Variants in FRMPD4 observed in about 807,000 individuals in gnomAD.
FRMPD4 encodes FERM and PDZ domain containing 4.
In FRMPD4, 22 loss-of-function variants were observed where a neutral mutation model predicts 94.1. The observed-to-expected ratio is 0.23, with a 90% CI of 0.17 to 0.33. The LOEUF is 0.33. Ranked by LOEUF, FRMPD4 falls within the 10% of genes least tolerant of loss-of-function variation. FRMPD4 has a pLI of 1.00. For synonymous variants in FRMPD4, 631 were observed against 548.6 expected (o/e 1.15, Z -2.10); for missense variants, 1,111 against 1,339.9 (o/e 0.83, Z 2.67).
intron 3 of FRMPD4, among the ~76,000 whole-genome samples, chrX:12,030,790 A>G (rs2054687224): frequency 8.9e-6 from 1 of 111,900 alleles, no homozygotes; most frequent in Non-Finnish European, 1.9e-5. Context: ...AAGCAATAGG[A>G]TGAGGAATAA....
intron 1 of FRMPD4, among the ~76,000 whole-genome samples, chrX:12,301,761 G>A (rs893944625): frequency 1.8e-5 from 2 of 112,158 alleles, no homozygotes; most frequent in African/African-American, 6.5e-5. Flanking sequence ...TTCAAATTCA[G>A]CTAACTTGTG....
chrX:12,234,196 G>A (rs754327586), intron 1 of FRMPD4, among the ~76,000 whole-genome samples: 1 of 111,021 alleles, frequency 9.0e-6, no homozygotes, highest in South Asian at 3.8e-4. Context: ...GTGTGTGCAT[G>A]CGCACAACCA....
Position 12,433,310 on chromosome X carries a change from G to A in FRMPD4, c.42-65370G>A, listed in dbSNP as rs145347880. On this transcript the variant is annotated intron_variant, in intron 1 of 16. Coordinates refer to ENST00000675598, the MANE Select transcript of FRMPD4 (RefSeq NM_001368397.1). ...TTGTCATCTCTTTTCCTCCATGGACGCAACAGTGCCTCACATTACAAATGA... is the reference window on the plus strand; with the variant it reads ...TTGTCATCTCTTTTCCTCCATGGACACAACAGTGCCTCACATTACAAATGA... Among the ~76,000 whole-genome samples, 759 of 112,051 alleles carry A rather than the reference G, an allele frequency of 6.8e-3. 8 individuals carry two copies. The highest frequency in any genetic ancestry group is 0.024 in the African/African-American group (738 of 30,829).
chrX:11,853,513 CAAAT>C (rs1165748328), intron 1 of FRMPD4, among the ~76,000 whole-genome samples: 1 of 110,593 alleles, frequency 9.0e-6, no homozygotes, highest in East Asian at 2.8e-4. Context: ...AGAGAAGATT[CAAAT>C]AAACAGAATA....
At chrX:12,513,970 T>A (rs2058070147) in intron 2 of FRMPD4, among the ~76,000 whole-genome samples, 2 of 111,619 alleles carry the variant, frequency 1.8e-5, no homozygotes, top group Admixed American at 1.9e-4. Flanking sequence ...TTTTATTCTC[T>A]TTGTAGCAAT....
chrX:12,677,502 TTGAG>T (rs2059912097), intron 5 of FRMPD4, among the ~76,000 whole-genome samples: 2 of 111,254 alleles, frequency 1.8e-5, no homozygotes, highest in South Asian at 7.5e-4. Context: ...AAAATACTTA[TTGAG>T]TTTCATTTAT....
At chrX:12,660,844 A>G (rs1401779753) in intron 4 of FRMPD4, among the ~76,000 whole-genome samples, 3 of 111,817 alleles carry the variant, frequency 2.7e-5, no homozygotes, top group Middle Eastern at 4.6e-3. Flanking sequence ...TGAAGGCTTG[A>G]TTGAGGAGAT....
intron 2 of FRMPD4, among the ~76,000 whole-genome samples, chrX:12,570,711 T>C (rs185203950): frequency 8.9e-6 from 1 of 111,847 alleles, no homozygotes; most frequent in East Asian, 2.8e-4. Context: ...CCCTAGTGGA[T>C]GCCTGGAACC....
intron 2 of FRMPD4, among the ~76,000 whole-genome samples, chrX:12,583,060 G>T (rs2058884913): frequency 9.0e-6 from 1 of 111,412 alleles, no homozygotes; most frequent in Admixed American, 9.5e-5. Context: ...GCTTTTCTTG[G>T]ATTTCAAAAC....
At chrX:12,109,056 C>T (rs2055329699) in intron 3 of FRMPD4, among the ~76,000 whole-genome samples, 1 of 111,508 alleles carries the variant, frequency 9.0e-6, no homozygotes, top group South Asian at 3.8e-4. Flanking sequence ...TTGAACTCAG[C>T]TCTGCACCAA....
At chrX:12,115,884 G>A (rs1228298329) in intron 3 of FRMPD4, among the ~76,000 whole-genome samples, 2 of 111,596 alleles carry the variant, frequency 1.8e-5, no homozygotes, top group Non-Finnish European at 3.8e-5. Context: ...CTCTTCCCTT[G>A]CAAGCTGTGC....
At chrX:12,572,802 A>G (rs990868966) in intron 2 of FRMPD4, among the ~76,000 whole-genome samples, 1 of 112,414 alleles carries the variant, frequency 8.9e-6, no homozygotes, top group Non-Finnish European at 1.9e-5. Flanking sequence ...ATTGAAGCTT[A>G]TATAGCATCC....
chrX:12,707,846 C>T (rs879087954), intron 13 of FRMPD4, among the ~76,000 whole-genome samples, 195 bp downstream of exon 13: 2 of 112,197 alleles, frequency 1.8e-5, no homozygotes, highest in Non-Finnish European at 3.8e-5. Context: ...GGGAACAGGT[C>T]GCTATAATTC....
chrX:12,574,310 AT>A (rs978579459), intron 2 of FRMPD4, among the ~76,000 whole-genome samples: 8 of 111,933 alleles, frequency 7.1e-5, no homozygotes, highest in Non-Finnish European at 1.3e-4. Context: ...TATTATTGTT[AT>A]TTTAATGAAT....
chrX:12,027,991 G>A (rs1250689673), intron 3 of FRMPD4, among the ~76,000 whole-genome samples: 3 of 112,030 alleles, frequency 2.7e-5, no homozygotes, highest in Non-Finnish European at 5.6e-5. Flanking sequence ...GGATGCGTTC[G>A]TTTTCAATTG....
chrX:12,131,424 C>T (rs189571077), intron 3 of FRMPD4, among the ~76,000 whole-genome samples: 33 of 111,549 alleles, frequency 3.0e-4, no homozygotes, highest in East Asian at 1.4e-3. Flanking sequence ...GGGAAGGAAA[C>T]GAGAACAGGA....
At chrX:11,957,602 C>T (rs759629409) in intron 3 of FRMPD4, among the ~76,000 whole-genome samples, 104 of 111,576 alleles carry the variant, frequency 9.3e-4, no homozygotes, top group African/African-American at 3.2e-3. Flanking sequence ...CATATTGAAA[C>T]TAACTTATAA....
At chrX:12,583,367 C>G in intron 2 of FRMPD4, 1 of 839,965 alleles carries the variant, frequency 1.2e-6, no homozygotes, top group Admixed American at 2.4e-5. Flanking sequence ...CCCAGGCCGG[C>G]TGAGACGGCC....
chrX:12,458,951 A>G (rs772317389), intron 1 of FRMPD4, among the ~76,000 whole-genome samples: 1 of 112,131 alleles, frequency 8.9e-6, no homozygotes, highest in South Asian at 3.7e-4. Context: ...ATAGAATGCA[A>G]GGAAGAAGCA....
Sources: gnomAD v4.1 joint callset for allele counts (sites outside exome capture counted in the v4.1 genomes callset) on GRCh38, gnomAD v4.1.1 for gene constraint, MANE v1.5 for transcripts, NCBI Gene and HGNC (gene_info 2026-07-23, HGNC 2026-07-21) for gene names.